Variants in STK32B observed in about 807,000 individuals in gnomAD.
STK32B encodes serine/threonine kinase 32B, also known as serine/threonine-protein kinase 32B.
In STK32B, 43 loss-of-function variants were observed where a neutral mutation model predicts 52.6. The ratio of observed to expected loss-of-function variants is 0.82; its 90% CI spans 0.64 to 1.05. STK32B has a LOEUF of 1.05. STK32B is among the 50% of genes least tolerant of loss of function. STK32B has a pLI of 0.00. For synonymous variants in STK32B, 238 were observed against 204.3 expected (o/e 1.17, Z -1.41); for missense variants, 621 against 534.6 (o/e 1.16, Z -1.59).
At chr4:5,092,247 A>G (rs1232546797) in intron 1 of STK32B, among the ~76,000 whole-genome samples, 1 of 152,248 alleles carries the variant, frequency 6.6e-6, no homozygotes, top group Non-Finnish European at 1.5e-5. Flanking sequence ...AAGAAATACC[A>G]GAGGCTGGGT....
chr4:5,400,480 A>G lies in STK32B; in HGVS notation c.472+2236A>G, dbSNP rs886284265. ...ACACTCCCCAAGTGCCCCTGCATCC[A>G]GTCTTCTCCCTCTCCAGCCTCCCAT... is the stretch of plus-strand genomic sequence containing the variant. On this transcript the variant is annotated intron_variant, in intron 5 of 11. Transcript: ENST00000282908. The surrounding 1 kb of genome is among the most constrained non-coding windows in gnomAD (Gnocchi z 6.1). Among the ~76,000 whole-genome samples the G allele has an allele frequency of 2.0e-5, 3 of 152,050 alleles. No homozygotes were observed. Among genetic ancestry groups the G allele is most frequent in the Non-Finnish European group, 4.4e-5 (3 of 68,016 alleles).
the STK32B span, among the ~76,000 whole-genome samples, chr4:5,029,996 T>C: frequency 6.6e-6 from 1 of 152,196 alleles, no homozygotes; most frequent in African/African-American, 2.4e-5. Flanking sequence ...CTCAGCACTC[T>C]CTTTTCTGTG....
chr4:5,451,557 G>T (rs537704547), intron 7 of STK32B, among the ~76,000 whole-genome samples: 1 of 152,252 alleles, frequency 6.6e-6, no homozygotes, highest in African/African-American at 2.4e-5. Flanking sequence ...ATGGTCTTCA[G>T]TGAGCCTGTT....
intron 3 of STK32B, among the ~76,000 whole-genome samples, chr4:5,205,636 G>T (rs1397298604): frequency 6.6e-6 from 1 of 152,086 alleles, no homozygotes; most frequent in Non-Finnish European, 1.5e-5. Context: ...GGTTGAAGGG[G>T]TAGCAGTGAC....
chr4:5,165,535 C>T (rs753192279), intron 2 of STK32B, among the ~76,000 whole-genome samples: 7 of 152,144 alleles, frequency 4.6e-5, no homozygotes, highest in African/African-American at 7.2e-5. Context: ...CAGCTGACAG[C>T]CAGGTCCCAG....
chr4:5,051,800 G>C lies in STK32B; in HGVS notation c.-64G>C, dbSNP rs1741793764. On this transcript the variant is annotated 5_prime_UTR_variant, in exon 1 of 12. Transcript: ENST00000282908. ...CCCGGCATCCCGCATCTCTGCGCGC[G>C]TCCCACATCCCGCATCCGGCATCCC... 6 of 1,552,260 alleles carry C rather than the reference G, an allele frequency of 3.9e-6. No individual in the cohort carries two copies. The highest frequency in any genetic ancestry group is 3.9e-5 in the Admixed American group (2 of 51,198).
intron 3 of STK32B, among the ~76,000 whole-genome samples, chr4:5,213,756 C>A (rs2108788847): frequency 6.6e-6 from 1 of 152,264 alleles, no homozygotes; most frequent in East Asian, 1.9e-4. Context: ...AAGAAGGTTG[C>A]CTTTTCCCTT....
At chr4:5,438,456 C>T (rs1714335493) in intron 6 of STK32B, among the ~76,000 whole-genome samples, 1 of 152,184 alleles carries the variant, frequency 6.6e-6, no homozygotes. Flanking sequence ...ACAAAACACA[C>T]AGAATTTGGA....
chr4:5,471,175 C>A (rs530076579), intron 11 of STK32B, among the ~76,000 whole-genome samples: 2 of 152,226 alleles, frequency 1.3e-5, no homozygotes, highest in Non-Finnish European at 2.9e-5. Context: ...AGAGATACTG[C>A]ACCTGCTGCA....
intron 4 of STK32B, chr4:5,345,291 A>T (rs1273277797): frequency 6.7e-6 from 1 of 149,292 alleles, no homozygotes; most frequent in African/African-American, 2.5e-5. Context: ...AATGTTATAA[A>T]TGAAAAGTTA....
intron 3 of STK32B, among the ~76,000 whole-genome samples, chr4:5,236,174 C>A (rs995726803): frequency 2.6e-5 from 4 of 152,050 alleles, no homozygotes; most frequent in Non-Finnish European, 5.9e-5. Context: ...AAAAGCTCAC[C>A]CTACACTGAG....
intron 3 of STK32B, among the ~76,000 whole-genome samples, chr4:5,317,456 TAA>T (rs1270578110): frequency 7.9e-5 from 8 of 100,776 alleles, no homozygotes; most frequent in Non-Finnish European, 1.2e-4. Context: ...ATAATATATA[TAA>T]TATATATGTA....
chr4:5,253,987 A>G (rs953437860), intron 3 of STK32B, among the ~76,000 whole-genome samples: 2 of 151,972 alleles, frequency 1.3e-5, no homozygotes, highest in African/African-American at 4.8e-5. Flanking sequence ...GGGTCTCACC[A>G]TGTTGGCCAG....
At chr4:5,426,701 A>C (rs186273937) in intron 6 of STK32B, among the ~76,000 whole-genome samples, 9 of 146,466 alleles carry the variant, frequency 6.1e-5, no homozygotes, top group Non-Finnish European at 1.1e-4. Flanking sequence ...ACAAAAAAAA[A>C]AAAAAAAAAA....
rs1737094531 is a variant in STK32B at position 5,398,817 on chromosome 4, T to G, written c.472+573T>G. 7.0e-6 allele frequency among the ~76,000 whole-genome samples: 1 copy of G among 142,366 alleles called. No individual in the cohort carries two copies. The highest frequency in any genetic ancestry group is 1.5e-5 in the Non-Finnish European group (1 of 67,754). 93.4% of individuals were successfully genotyped at this position (142,366 alleles called of 152,430 possible). On this transcript the variant is annotated intron_variant, in intron 5 of 11. Coordinates refer to ENST00000282908, the MANE Select transcript of STK32B (RefSeq NM_018401.3). This position sits in a 1 kb window ranked among gnomAD's most constrained non-coding sequence, Gnocchi z 4.9. ...TGATTTAGTAAGTCTGAGATGGGAC[T>G]AGACTCTGCAAAGTCCAGAGTCTGC...
intron 2 of STK32B, among the ~76,000 whole-genome samples, chr4:5,155,594 T>C (rs2108712420): frequency 6.6e-6 from 1 of 152,250 alleles, no homozygotes; most frequent in East Asian, 1.9e-4. Context: ...TCCCTACCTG[T>C]CAAGGGAGGG....
intron 3 of STK32B, among the ~76,000 whole-genome samples, chr4:5,237,939 C>T (rs1261697749): frequency 6.6e-6 from 1 of 152,054 alleles, no homozygotes; most frequent in Admixed American, 6.6e-5. Context: ...ATACCTTGGC[C>T]GGGATCACAG....
intron 1 of STK32B, among the ~76,000 whole-genome samples, chr4:5,114,591 C>T (rs192349838): frequency 3.9e-5 from 6 of 152,296 alleles, no homozygotes; most frequent in Admixed American, 6.5e-5. Flanking sequence ...TCCCACTAGA[C>T]TGCTTTAATT....
intron 3 of STK32B, among the ~76,000 whole-genome samples, chr4:5,276,826 T>C (rs1727855793): frequency 6.6e-6 from 1 of 152,122 alleles, no homozygotes; most frequent in African/African-American, 2.4e-5. Flanking sequence ...CCGCTTCTTC[T>C]CTGTCCAAAT....
Sources: gnomAD v4.1 joint callset for allele counts (sites outside exome capture counted in the v4.1 genomes callset) on GRCh38, gnomAD v4.1.1 for gene constraint, Gnocchi (gnomAD v3.1) non-coding constraint, MANE v1.5 for transcripts, NCBI Gene and HGNC (gene_info 2026-07-23, HGNC 2026-07-21) for gene names.